EPHA5: variants seen among roughly 807,000 people sequenced by gnomAD.
EPHA5 encodes the protein EPH receptor A5.
EPHA5 carries 60 observed loss-of-function variants against 105.0 expected under a neutral mutation model. The ratio of observed to expected loss-of-function variants is 0.57; its 90% CI spans 0.46 to 0.71. The LOEUF (loss-of-function observed/expected upper bound fraction) is 0.71. EPHA5 is among the 30% of genes least tolerant of loss of function. EPHA5 has a pLI of 0.00. For synonymous variants in EPHA5, 513 were observed against 449.1 expected (o/e 1.14, Z -1.80); for missense variants, 1,218 against 1,274.7 (o/e 0.96, Z 0.68).
At chr4:65,527,845 T>C (rs1167498823) in intron 3 of EPHA5, among the ~76,000 whole-genome samples, 1 of 152,016 alleles carries the variant, frequency 6.6e-6, no homozygotes, top group African/African-American at 2.4e-5. Flanking sequence ...CCTCCTCCCA[T>C]TCTCCACTCT....
chr4:65,444,890 C>G (rs1156303894), intron 5 of EPHA5, among the ~76,000 whole-genome samples: 2 of 151,864 alleles, frequency 1.3e-5, no homozygotes, highest in African/African-American at 4.8e-5. Context: ...TTCCTGGGTA[C>G]CTAAAAAAAT....
At chr4:65,527,440 C>T (rs903177317) in intron 3 of EPHA5, among the ~76,000 whole-genome samples, 3 of 152,038 alleles carry the variant, frequency 2.0e-5, no homozygotes, top group African/African-American at 4.8e-5. Flanking sequence ...AGAGCAAATA[C>T]ATGGAGTACA....
chr4:65,351,494 A>T lies in EPHA5; in HGVS notation c.2340T>A (p.Leu780=). The T allele has an allele frequency of 6.2e-7, 1 of 1,613,830 alleles. No individual in the cohort carries two copies. The highest frequency in any genetic ancestry group is 8.5e-7 in the Non-Finnish European group (1 of 1,179,840). Residue 780 remains leucine, a synonymous_variant, in exon 13 of 17, where the codon CTT becomes CTA. Transcript: ENST00000613740. ...LSDMGYVHRD[L]AARNILINSN... ...TGTTGATTAAGATGTTTCTGGCAGC[A>T]AGATCTCTATGCACATAGCCCATGT...
intron 3 of EPHA5, among the ~76,000 whole-genome samples, chr4:65,567,168 T>C (rs915495468): frequency 1.3e-5 from 2 of 151,646 alleles, no homozygotes; most frequent in Non-Finnish European, 1.5e-5. Flanking sequence ...GACAAATTTC[T>C]TTTTATGTCT....
At chr4:65,370,462 G>A (rs1718348842) in intron 8 of EPHA5, among the ~76,000 whole-genome samples, 1 of 151,972 alleles carries the variant, frequency 6.6e-6, no homozygotes, top group African/African-American at 2.4e-5. Flanking sequence ...TTTGTTAGAC[G>A]AATTCTACAG....
rs1395525749 is a variant in EPHA5 at position 65,348,705 on chromosome 4, ATATGTGTGTGT to A, written c.2446-513_2446-503del. Among the ~76,000 whole-genome samples, 791 of 128,004 alleles carry A rather than the reference ATATGTGTGTGT, an allele frequency of 6.2e-3. 15 individuals are homozygous for A. Among genetic ancestry groups the A allele is most frequent in the Admixed American group, 7.3e-3 (86 of 11,820 alleles). 84.0% of individuals were successfully genotyped at this position (128,004 alleles called of 152,430 possible). A position where few individuals can be genotyped will look rare whatever the true frequency, so the allele number is the denominator to read the frequency against. ...ATATATATATATATATATAAAATAT[ATATGTGTGTGT>A]ATATATATGTGTGTGTATATATATG... is the stretch of plus-strand genomic sequence containing the variant. On this transcript the variant is annotated intron_variant, in intron 13 of 16. Coordinates refer to ENST00000613740, the MANE Select transcript of EPHA5 (RefSeq NM_001281766.3).
chr4:65,336,979 A>T (rs1721247179), intron 14 of EPHA5, among the ~76,000 whole-genome samples: 1 of 149,454 alleles, frequency 6.7e-6, no homozygotes, highest in African/African-American at 2.4e-5. Flanking sequence ...TTTCTTTAAC[A>T]ATTAGTCTTA....
intron 15 of EPHA5, among the ~76,000 whole-genome samples, chr4:65,333,658 C>T (rs1425453513): frequency 1.2e-4 from 17 of 138,246 alleles, no homozygotes; most frequent in Non-Finnish European, 2.0e-4. Context: ...TCTAAGGGAG[C>T]CAGGACTTGG....
At chr4:65,589,014 G>T (rs1033544568) in intron 3 of EPHA5, among the ~76,000 whole-genome samples, 1 of 152,094 alleles carries the variant, frequency 6.6e-6, no homozygotes, top group Non-Finnish European at 1.5e-5. Flanking sequence ...GATTTTCTTT[G>T]TGCCAAGTGC....
chr4:65,514,197 T>C (rs1434984323), intron 3 of EPHA5, among the ~76,000 whole-genome samples: 1 of 152,130 alleles, frequency 6.6e-6, no homozygotes, highest in Non-Finnish European at 1.5e-5. Flanking sequence ...TGACAGTAGA[T>C]TTTATTTCCC....
intron 11 of EPHA5, among the ~76,000 whole-genome samples, chr4:65,358,488 T>A (rs1723520968): frequency 6.6e-6 from 1 of 151,592 alleles, no homozygotes; most frequent in African/African-American, 2.4e-5. Flanking sequence ...AAAATGTCTT[T>A]TATTCTTACC....
chr4:65,439,558 C>A (rs1725818786), intron 5 of EPHA5, among the ~76,000 whole-genome samples: 1 of 151,428 alleles, frequency 6.6e-6, no homozygotes, highest in African/African-American at 2.4e-5. Context: ...CCTCCCTAAA[C>A]CTGAGTAGAA....
In EPHA5 at chr4:65,519,580, T is replaced by TCCTG. The variant is rs1734468855; in HGVS notation, c.911-24038_911-24037insCAGG. On this transcript the variant is annotated intron_variant, in intron 3 of 16. Coordinates refer to ENST00000613740, the MANE Select transcript of EPHA5 (RefSeq NM_001281766.3). ...GGGTATTCAATTAGGAAAGAGGAAG[T>TCCTG]CAAATTGTCCCTGTTTGCAGATGAC... Among the ~76,000 whole-genome samples, 12 of 152,006 alleles carry TCCTG rather than the reference T, an allele frequency of 7.9e-5. 1 individual carries two copies. The highest frequency in any genetic ancestry group is 6.6e-4 in the Admixed American group (10 of 15,236).
chr4:65,623,431 T>C (rs1745875755), intron 2 of EPHA5, among the ~76,000 whole-genome samples: 1 of 152,000 alleles, frequency 6.6e-6, no homozygotes, highest in Non-Finnish European at 1.5e-5. Context: ...GACACAACAT[T>C]GAAAAAGAAA....
chr4:65,438,569 C>T (rs1725708891), intron 5 of EPHA5, among the ~76,000 whole-genome samples: 1 of 151,650 alleles, frequency 6.6e-6, no homozygotes, highest in Admixed American at 6.6e-5. Context: ...CCAAATGGAG[C>T]TGAGGAGAGT....
intron 16 of EPHA5, 50 bp downstream of exon 16, chr4:65,331,923 A>T: frequency 6.4e-7 from 1 of 1,557,914 alleles, no homozygotes; most frequent in East Asian, 2.3e-5. Context: ...TTTTTGAACA[A>T]TTTTTCTTGC....
intron 2 of EPHA5, among the ~76,000 whole-genome samples, chr4:65,631,495 C>CA (rs1289537634): frequency 6.6e-6 from 1 of 152,044 alleles, no homozygotes; most frequent in Non-Finnish European, 1.5e-5. Flanking sequence ...AAGTCTATCA[C>CA]AACCACTACC....
In EPHA5 at chr4:65,490,671, C is replaced by T. The variant is rs769982841; in HGVS notation, c.1108G>A (p.Glu370Lys). The change falls in exon 5 of 17, where the codon GAA (glutamate) becomes AAA (lysine). Residue 370 changes from glutamate to lysine, a missense_variant. By Grantham distance (56) the Glu-to-Lys change is moderately conservative (BLOSUM62 1). Transcript: ENST00000613740. ...ATCCATTCCAGAAAGACACTAGTTTCATTAACATTTGAGATGGCATTCCGA... is the reference window on the plus strand; with the variant it reads ...ATCCATTCCAGAAAGACACTAGTTTTATTAACATTTGAGATGGCATTCCGA... ...APRNAISNVN[E>K]TSVFLEWIPP... The T allele has an allele frequency of 6.2e-7, 1 of 1,614,090 alleles. No homozygotes were observed. The highest frequency in any genetic ancestry group is 2.2e-5 in the East Asian group (1 of 44,870).
rs550296491 is a variant in EPHA5, at chr4:65,445,703, C to G, written c.1403-25138G>C. ...GTGACCTTCTGTTTGACAGATTACA[C>G]TTACTACATTCATTAAACAAAAAGT... On this transcript the variant is annotated intron_variant, in intron 5 of 16. Transcript: ENST00000613740. 3.9e-5 allele frequency among the ~76,000 whole-genome samples: 6 copies of G among 152,224 alleles called. No individual in the cohort carries two copies. The East Asian group carries it at 1.2e-3, about 29-fold the overall frequency.
Sources: allele counts gnomAD v4.1 joint callset (sites outside exome capture counted in the v4.1 genomes callset), GRCh38; gene constraint gnomAD v4.1.1; transcripts MANE v1.5; gene names NCBI Gene and HGNC (gene_info 2026-07-23, HGNC 2026-07-21).